NHS: variants seen among roughly 807,000 people sequenced by gnomAD.
NHS encodes the protein NHS actin remodeling regulator.
A neutral mutation model predicts 72.5 loss-of-function variants in NHS; 5 were observed. That is an observed-to-expected ratio of 0.07 (90% CI 0.04 to 0.14). The LOEUF (loss-of-function observed/expected upper bound fraction) is 0.14, where lower values mean the gene tolerates loss of function less well. Among genes scored for constraint, NHS ranks in the 10% least tolerant of loss-of-function variants. The pLI is 1.00. For missense variants in NHS, 1,072 were observed against 1,355.7 expected (o/e 0.79, Z 3.29); for synonymous variants, 464 against 547.7 (o/e 0.85, Z 2.13).
At chrX:17,521,385 A>G (rs1382110752) in intron 1 of NHS, among the ~76,000 whole-genome samples, 50 of 94,347 alleles carry the variant, frequency 5.3e-4, no homozygotes, top group Admixed American at 5.3e-4. Flanking sequence ...TTTTTGAGAC[A>G]GGGTCTCACT....
At chrX:17,524,424 A>G (rs113884559) in intron 1 of NHS, among the ~76,000 whole-genome samples, 4,153 of 111,966 alleles carry the variant, frequency 0.037, 208 homozygotes, top group African/African-American at 0.13. Context: ...AATGCCCTTT[A>G]TCACAATTTT....
At chrX:17,685,925 G>A (rs771981960) in intron 1 of NHS, among the ~76,000 whole-genome samples, 1 of 112,119 alleles carries the variant, frequency 8.9e-6, no homozygotes, top group East Asian at 2.8e-4. Context: ...TGCTTTATGA[G>A]GGTCGGGATT....
At chrX:17,606,472 C>T (rs2065679996) in intron 1 of NHS, among the ~76,000 whole-genome samples, 1 of 112,151 alleles carries the variant, frequency 8.9e-6, no homozygotes, top group Non-Finnish European at 1.9e-5. Context: ...GCTGGTCTGA[C>T]TCTTCAAACA....
Position 17,719,334 on chromosome X carries a change from A to G in NHS, c.853-10A>G. On this transcript the variant is annotated splice_polypyrimidine_tract_variant and intron_variant, in intron 3 of 8. Coordinates refer to ENST00000676302, the MANE Select transcript of NHS (RefSeq NM_001291867.2). The stretch of plus-strand genomic sequence containing the variant: ...TTAATTTTTTCTTTTTTTGCATTTC[A>G]TGTTCATAGTTTAACAGCACCCGTT... The G allele has an allele frequency of 8.6e-7, 1 of 1,165,769 alleles. No individual in the cohort carries two copies. The highest frequency in any genetic ancestry group is 1.1e-6 in the Non-Finnish European group (1 of 871,854).
chrX:17,622,936 A>AT (rs766725668), intron 1 of NHS, among the ~76,000 whole-genome samples: 86 of 107,692 alleles, frequency 8.0e-4, no homozygotes, highest in Middle Eastern at 4.7e-3. Context: ...TTAAAAAAAA[A>AT]TTTTTTTTTT....
intron 1 of NHS, among the ~76,000 whole-genome samples, chrX:17,523,430 G>GA (rs2065159251): frequency 8.9e-6 from 1 of 111,829 alleles, no homozygotes; most frequent in Admixed American, 9.4e-5. Context: ...CCCAGGCCTT[G>GA]ATCTCTGCTG....
Position 17,595,560 on chromosome X carries a change from G to T in NHS, c.566-92182G>T, listed in dbSNP as rs186870875. 1.1e-4 allele frequency among the ~76,000 whole-genome samples: 12 copies of T among 111,864 alleles called. No homozygotes were observed. In the East Asian group the frequency reaches 3.4e-3, roughly 31 times the overall value. On this transcript the variant is annotated intron_variant, in intron 1 of 8. Transcript: ENST00000676302. ...TGTTAATACTTAACCTGGGGTCAAG[G>T]TTTCTTTGGGCGCAGAACAATGAAA...
chrX:17,384,186 G>C lies in NHS; in HGVS notation c.565+7864G>C, dbSNP rs143730591. The stretch of plus-strand genomic sequence containing the variant: ...TGGTCCTGCTTTTCCTTCCCTTTCT[G>C]TTCAGTCTACCACTTGTAAAAAACC... On this transcript the variant is annotated intron_variant, in intron 1 of 8. Transcript: ENST00000676302. Among the ~76,000 whole-genome samples the C allele has an allele frequency of 3.1e-4, 35 of 111,944 alleles. No homozygotes were observed. The East Asian group carries it at 9.0e-3, about 29-fold the overall frequency.
At chrX:17,536,081 C>T (rs773036941) in intron 1 of NHS, among the ~76,000 whole-genome samples, 12 of 112,001 alleles carry the variant, frequency 1.1e-4, no homozygotes, top group East Asian at 5.7e-4. Flanking sequence ...TTGGGCTGGG[C>T]GCAGTGGCTC....
At chrX:17,591,382 TC>T (rs2065602127) in intron 1 of NHS, among the ~76,000 whole-genome samples, 1 of 111,427 alleles carries the variant, frequency 9.0e-6, no homozygotes, top group East Asian at 2.8e-4. Flanking sequence ...TTTTTGCACT[TC>T]CACAACCAAA....
chrX:17,601,359 A>G (rs183128950), intron 1 of NHS, among the ~76,000 whole-genome samples: 3 of 111,950 alleles, frequency 2.7e-5, no homozygotes, highest in African/African-American at 6.5e-5. Flanking sequence ...TCTGTAGAGC[A>G]TTTGTCATTT....
At chrX:17,673,617 A>C (rs1005020061) in intron 1 of NHS, among the ~76,000 whole-genome samples, 3 of 111,451 alleles carry the variant, frequency 2.7e-5, no homozygotes, top group African/African-American at 9.8e-5. Flanking sequence ...ATGCTCACTA[A>C]GTCATCTTCA....
intron 1 of NHS, among the ~76,000 whole-genome samples, chrX:17,656,026 A>G: frequency 8.8e-6 from 1 of 113,165 alleles, no homozygotes; most frequent in Non-Finnish European, 1.9e-5. Flanking sequence ...TCCTAACGCA[A>G]CAATGCGCTG....
chrX:17,566,870 C>T (rs552420921), intron 1 of NHS, among the ~76,000 whole-genome samples: 1 of 111,081 alleles, frequency 9.0e-6, no homozygotes, highest in African/African-American at 3.3e-5. Flanking sequence ...TCAGGGCAGG[C>T]TTCTGTCCAC....
intron 1 of NHS, among the ~76,000 whole-genome samples, chrX:17,464,384 C>G (rs900038698): frequency 3.6e-5 from 4 of 111,950 alleles, no homozygotes; most frequent in Non-Finnish European, 1.9e-5. Flanking sequence ...AGCTTTCAGA[C>G]TCAAGAGCTG....
At chrX:17,512,762 A>G (rs1023205720) in intron 1 of NHS, among the ~76,000 whole-genome samples, 5 of 106,502 alleles carry the variant, frequency 4.7e-5, no homozygotes, top group African/African-American at 1.4e-4. Context: ...TACTTGTACT[A>G]GTGTTCTTGT....
chrX:17,681,258 T>A (rs2066127250), intron 1 of NHS, among the ~76,000 whole-genome samples: 1 of 112,403 alleles, frequency 8.9e-6, no homozygotes, highest in South Asian at 3.7e-4. Context: ...ACCCTGATCC[T>A]GGCCTCCCAA....
chrX:17,628,117 G>A (rs1322188465), intron 1 of NHS, among the ~76,000 whole-genome samples: 1 of 112,813 alleles, frequency 8.9e-6, no homozygotes, highest in Non-Finnish European at 1.9e-5. Context: ...CAGCTCCACA[G>A]ACTCTCACTC....
At chrX:17,569,150 G>T (rs1204951545) in intron 1 of NHS, among the ~76,000 whole-genome samples, 1 of 111,936 alleles carries the variant, frequency 8.9e-6, no homozygotes, top group Non-Finnish European at 1.9e-5. Context: ...CTTTATAGTA[G>T]AATGATTTGT....
Sources: gnomAD v4.1 joint callset for allele counts (sites outside exome capture counted in the v4.1 genomes callset) on GRCh38, gnomAD v4.1.1 for gene constraint, MANE v1.5 for transcripts, NCBI Gene and HGNC (gene_info 2026-07-23, HGNC 2026-07-21) for gene names.